RBFOX3: variants seen among roughly 807,000 people sequenced by gnomAD.
RBFOX3 encodes RNA binding protein fox-1 homolog 3.
A neutral mutation model predicts 48.7 loss-of-function variants in RBFOX3; 17 were observed. The observed-to-expected ratio is 0.35, with a 90% CI of 0.24 to 0.52. The LOEUF (loss-of-function observed/expected upper bound fraction) is 0.52. RBFOX3 is among the 20% of genes least tolerant of loss of function. The pLI is 0.94. For missense variants in RBFOX3, 382 were observed against 497.5 expected (o/e 0.77, Z 2.21); for synonymous variants, 212 against 209.5 (o/e 1.01, Z -0.10).
chr17:79,435,179 G>C (rs2069175786), intron 2 of RBFOX3, among the ~76,000 whole-genome samples: 1 of 152,128 alleles, frequency 6.6e-6, no homozygotes, highest in South Asian at 2.1e-4. Flanking sequence ...ACAGTGAGTT[G>C]TGCCCTCTGC....
intron 1 of RBFOX3, among the ~76,000 whole-genome samples, chr17:79,549,818 A>G (rs1228276705): frequency 6.6e-6 from 1 of 152,228 alleles, no homozygotes; most frequent in Non-Finnish European, 1.5e-5. Flanking sequence ...GCCTGGTCAG[A>G]GCTAACGTTC....
chr17:79,283,496 T>C (rs2071094114), intron 3 of RBFOX3, among the ~76,000 whole-genome samples: 1 of 152,210 alleles, frequency 6.6e-6, no homozygotes, highest in South Asian at 2.1e-4. Context: ...CTCGAACTCC[T>C]GACCTCAAGT....
At chr17:79,110,506 T>C (rs891796620) in intron 5 of RBFOX3, among the ~76,000 whole-genome samples, 3 of 152,246 alleles carry the variant, frequency 2.0e-5, no homozygotes. Flanking sequence ...GCTGTGCTGC[T>C]GTGGCACCAC....
chr17:79,169,460 C>A (rs1367449920), intron 4 of RBFOX3, among the ~76,000 whole-genome samples: 1 of 152,180 alleles, frequency 6.6e-6, no homozygotes, highest in African/African-American at 2.4e-5. Context: ...CCTCTAAGAG[C>A]CAGCTAAGAT....
At chr17:79,400,682 G>A (rs962436867) in intron 2 of RBFOX3, among the ~76,000 whole-genome samples, 2 of 152,196 alleles carry the variant, frequency 1.3e-5, no homozygotes, top group African/African-American at 4.8e-5. Context: ...AGGAAGATGC[G>A]GCTGTAAGCG....
chr17:79,146,255 C>T (rs1367295107), intron 4 of RBFOX3, among the ~76,000 whole-genome samples: 1 of 152,168 alleles, frequency 6.6e-6, no homozygotes, highest in African/African-American at 2.4e-5. Context: ...TCCCTAGCAT[C>T]GAATGCAGGG....
rs567827320 is a variant in RBFOX3, at chr17:79,418,909, C to T, written c.-175+63545G>A. 2.7e-4 allele frequency among the ~76,000 whole-genome samples: 41 copies of T among 152,236 alleles called. No homozygotes were observed. Among genetic ancestry groups the T allele is most frequent in the African/African-American group, 9.4e-4 (39 of 41,528 alleles). On this transcript the variant is annotated intron_variant, in intron 2 of 14. Transcript: ENST00000693108. This position sits in a 1 kb window ranked among gnomAD's most constrained non-coding sequence, Gnocchi z 5.0. ...GTCACCACCCAGCTACAAATGTATC[C>T]TTATTTAATCTATAGCAATTATATT...
intron 4 of RBFOX3, among the ~76,000 whole-genome samples, chr17:79,158,599 G>A (rs1422689269): frequency 6.6e-6 from 1 of 152,220 alleles, no homozygotes; most frequent in Non-Finnish European, 1.5e-5. Flanking sequence ...GCAGAGGCAG[G>A]CAGGGTCTGC....
intron 2 of RBFOX3, among the ~76,000 whole-genome samples, chr17:79,465,166 A>G (rs1285945909): frequency 2.0e-5 from 3 of 152,106 alleles, no homozygotes; most frequent in Admixed American, 2.0e-4. Flanking sequence ...GAAACGCACC[A>G]CGACCTTGGC....
chr17:79,312,030 A>G (rs1280915377), intron 2 of RBFOX3, among the ~76,000 whole-genome samples: 1 of 152,164 alleles, frequency 6.6e-6, no homozygotes, highest in African/African-American at 2.4e-5. Context: ...CTTCCTGACT[A>G]TCATTTCTCA....
rs1426269638 is a variant in RBFOX3 at position 79,477,304 on chromosome 17, C to T, written c.-175+5150G>A. On this transcript the variant is annotated intron_variant, in intron 2 of 14. Coordinates refer to ENST00000693108, the MANE Select transcript of RBFOX3 (RefSeq NM_001350451.2). This position sits in a 1 kb window ranked among gnomAD's most constrained non-coding sequence, Gnocchi z 4.8. ...GGGCGCGGTGGCTCACACCTGTAAT[C>T]CCAGCACTTTGGGAGGCCAAGGCAG... is the stretch of plus-strand genomic sequence containing the variant. Among the ~76,000 whole-genome samples, 2 of 148,648 alleles carry T rather than the reference C, an allele frequency of 1.3e-5. No homozygotes were observed. The highest frequency in any genetic ancestry group is 3.0e-5 in the Non-Finnish European group (2 of 67,424).
intron 4 of RBFOX3, among the ~76,000 whole-genome samples, chr17:79,142,691 G>C (rs1012063679): frequency 5.3e-5 from 8 of 152,290 alleles, no homozygotes; most frequent in Non-Finnish European, 8.8e-5. Context: ...GTGCACCTGG[G>C]CTCCTCTGAA....
At chr17:79,493,560 C>T (rs1166864994) in intron 1 of RBFOX3, among the ~76,000 whole-genome samples, 2 of 152,264 alleles carry the variant, frequency 1.3e-5, no homozygotes, top group African/African-American at 4.8e-5. Flanking sequence ...AATGAGAGGC[C>T]TTCCCTGACC....
At chr17:79,475,284 T>G (rs2077571519) in intron 2 of RBFOX3, among the ~76,000 whole-genome samples, 1 of 152,068 alleles carries the variant, frequency 6.6e-6, no homozygotes, top group Non-Finnish European at 1.5e-5. Flanking sequence ...CTCCAGTCAT[T>G]CTGGCCTTGG....
intron 4 of RBFOX3, among the ~76,000 whole-genome samples, chr17:79,146,668 G>A (rs1025472983): frequency 2.0e-5 from 3 of 152,216 alleles, no homozygotes; most frequent in South Asian, 2.1e-4. Context: ...TGCCATCTGC[G>A]AGTCCAGCCC....
At chr17:79,264,095 T>C (rs1176045637) in intron 3 of RBFOX3, among the ~76,000 whole-genome samples, 1 of 66,682 alleles carries the variant, frequency 1.5e-5, no homozygotes, top group African/African-American at 4.9e-5. Context: ...TGTTGGCATC[T>C]TTTTTTTTTT....
At chr17:79,262,986 G>A (rs2066046134) in intron 3 of RBFOX3, among the ~76,000 whole-genome samples, 2 of 152,240 alleles carry the variant, frequency 1.3e-5, no homozygotes, top group African/African-American at 2.4e-5. Flanking sequence ...GCTGCAGCTG[G>A]TAAGGCCTCA....
chr17:79,097,416 A>C lies in RBFOX3; in HGVS notation c.631T>G (p.Phe211Val), dbSNP rs1043527431. 6.5e-7 allele frequency: 1 copy of C among 1,545,210 alleles called. No individual in the cohort carries two copies. Among genetic ancestry groups the C allele is most frequent in the African/African-American group, 1.4e-5 (1 of 72,630 alleles). The change falls in exon 11 of 15, where the codon TTC becomes GTC. Residue 211 changes from phenylalanine to valine, a missense_variant. Phe to Val is a conservative substitution (Grantham distance 50). Around this residue, in one of 3 missense-constraint regions of RBFOX3, gnomAD observed 215 missense variants for 254.8 expected, o/e 0.84. Coordinates refer to ENST00000693108, the MANE Select transcript of RBFOX3 (RefSeq NM_001350451.2). ...GCTGTGCCGGTGGTGGGGTAGGGGAACCCCGTCACTGCAGGAAACGGGGCC... is the reference window on the plus strand; with the variant it reads ...GCTGTGCCGGTGGTGGGGTAGGGGACCCCCGTCACTGCAGGAAACGGGGCC... The part of the protein sequence containing the change: ...YGPEFYAVTG[F>V]PYPTTGTAVA...
At chr17:79,617,209 G>A in the RBFOX3 span, among the ~76,000 whole-genome samples, 3 of 152,012 alleles carry the variant, frequency 2.0e-5, no homozygotes, top group African/African-American at 7.3e-5. Flanking sequence ...TTCTTCTTCC[G>A]TTTTCTCCCT....
Sources: allele counts gnomAD v4.1 joint callset (sites outside exome capture counted in the v4.1 genomes callset), GRCh38; gene constraint gnomAD v4.1.1; regional missense constraint gnomAD v4.1.1; non-coding constraint Gnocchi (gnomAD v3.1); transcripts MANE v1.5; gene names NCBI Gene and HGNC (gene_info 2026-07-23, HGNC 2026-07-21).